CRISPLD1: variants seen among roughly 807,000 people sequenced by gnomAD.
CRISPLD1 encodes the protein cysteine-rich secretory protein LCCL domain-containing 1.
A neutral mutation model predicts 77.5 loss-of-function variants in CRISPLD1; 60 were observed. That is an observed-to-expected ratio of 0.77 (90% CI 0.63 to 0.96). The LOEUF (loss-of-function observed/expected upper bound fraction) is 0.96, where lower values mean the gene tolerates loss of function less well. Among genes scored for constraint, CRISPLD1 ranks in the 40% least tolerant of loss-of-function variants. CRISPLD1 has a pLI of 0.00. For missense variants in CRISPLD1, 623 were observed against 615.8 expected, an observed-to-expected ratio of 1.01 and a Z score of -0.12; for synonymous variants, 195 against 200.1, an observed-to-expected ratio of 0.97 and a Z score of 0.22.
At chr8:74,998,661 C>T (rs763522612) in intron 2 of CRISPLD1, among the ~76,000 whole-genome samples, 1 of 123,550 alleles carries the variant, frequency 8.1e-6, no homozygotes, top group Non-Finnish European at 1.6e-5. Context: ...GCACTCCTGC[C>T]TGGGCAACAG....
intron 2 of CRISPLD1, among the ~76,000 whole-genome samples, chr8:75,002,976 A>G (rs986966461): frequency 1.3e-5 from 2 of 152,186 alleles, no homozygotes; most frequent in African/African-American, 4.8e-5. Context: ...TGCTATAGTC[A>G]TATTCCTGAG....
At chr8:74,985,150 T>G (rs1383997999) in intron 1 of CRISPLD1, among the ~76,000 whole-genome samples, 17 of 152,116 alleles carry the variant, frequency 1.1e-4, no homozygotes. Flanking sequence ...TCGCGCGCTT[T>G]CCATTTGAGT....
intron 6 of CRISPLD1, 93 bp from the exon 7 acceptor site, chr8:75,016,472 T>A: frequency 8.1e-7 from 1 of 1,240,536 alleles, no homozygotes; most frequent in Middle Eastern, 2.3e-4. Context: ...TAGTTCTAAA[T>A]GTTAAATAGG....
At chr8:75,008,784 G>T (rs1253160275) in intron 2 of CRISPLD1, among the ~76,000 whole-genome samples, 1 of 152,046 alleles carries the variant, frequency 6.6e-6, no homozygotes, top group Admixed American at 6.6e-5. Flanking sequence ...CTTATGCATT[G>T]TATATATTCA....
At chr8:75,012,156 G>C (rs1812943144) in intron 2 of CRISPLD1, among the ~76,000 whole-genome samples, 1 of 152,030 alleles carries the variant, frequency 6.6e-6, no homozygotes, top group East Asian at 1.9e-4. Flanking sequence ...TTTGTTTTAT[G>C]TGTTTAGACA....
chr8:74,995,053 C>T (rs943210651), intron 2 of CRISPLD1, among the ~76,000 whole-genome samples: 1 of 152,060 alleles, frequency 6.6e-6, no homozygotes, highest in African/African-American at 2.4e-5. Flanking sequence ...AAATTAGGAC[C>T]CACCACCATT....
At position 74,986,193 on chromosome 8, in the gene CRISPLD1, A is replaced by G; in HGVS notation, c.206A>G (p.His69Arg). 9 of 1,614,070 alleles carry G rather than the reference A, an allele frequency of 5.6e-6. No individual in the cohort carries two copies. Among genetic ancestry groups the G allele is most frequent in the Non-Finnish European group, 5.9e-6 (7 of 1,179,890 alleles). Residue 69 changes from histidine to arginine, a missense_variant, in exon 2 of 15, where the codon CAT becomes CGT. Transcript: ENST00000262207. ...DNDMQSILDLHNKLRSQVYPT... is the reference protein window; with the variant it reads ...DNDMQSILDLRNKLRSQVYPT... Reference sequence around the variant, plus strand: ...GACATGCAGAGTATTTTGGACCTTCATAATAAATTACGAAGTCAGGTGTAT... The same window carrying G: ...GACATGCAGAGTATTTTGGACCTTCGTAATAAATTACGAAGTCAGGTGTAT...
chr8:74,985,876 A>AT (rs1199367913), intron 1 of CRISPLD1, 50 bp from the exon 2 acceptor site: 10 of 1,253,570 alleles, frequency 8.0e-6, no homozygotes, highest in Non-Finnish European at 1.1e-5. Context: ...TTATTAGAAA[A>AT]TTCATATCTG....
In CRISPLD1 at chr8:75,003,705, A is replaced by G. The variant is rs150144085; in HGVS notation, c.259-8728A>G. On this transcript the variant is annotated intron_variant, in intron 2 of 14. Coordinates refer to ENST00000262207, the MANE Select transcript of CRISPLD1 (RefSeq NM_031461.6). ...CAAGACTTAAAGTACCATCAATTAT[A>G]TGATACATTTGCAATTACTAAAGAT... Among the ~76,000 whole-genome samples the G allele has an allele frequency of 7.7e-3, 1,169 of 152,308 alleles. 14 individuals carry two copies. The highest frequency in any genetic ancestry group is 0.027 in the African/African-American group (1,121 of 41,552).
chr8:75,021,607 C>A (rs543605666), intron 12 of CRISPLD1, among the ~76,000 whole-genome samples: 2 of 152,244 alleles, frequency 1.3e-5, no homozygotes, highest in South Asian at 4.1e-4. Context: ...AAAATACAAT[C>A]TCCTGTTACT....
chr8:75,015,981 T>C (rs1456875848), intron 6 of CRISPLD1, among the ~76,000 whole-genome samples: 3 of 152,138 alleles, frequency 2.0e-5, no homozygotes, highest in Non-Finnish European at 2.9e-5. Flanking sequence ...AAGCCTTTGA[T>C]AAAGGCCAGT....
intron 2 of CRISPLD1, among the ~76,000 whole-genome samples, chr8:75,010,362 A>T (rs1812908236): frequency 6.6e-6 from 1 of 152,086 alleles, no homozygotes; most frequent in South Asian, 2.1e-4. Flanking sequence ...GCGTATTGAC[A>T]TGATTAGATT....
intron 12 of CRISPLD1, among the ~76,000 whole-genome samples, 197 bp from the exon 13 acceptor site, chr8:75,025,349 T>A (rs1469870029): frequency 6.6e-6 from 1 of 152,058 alleles, no homozygotes; most frequent in African/African-American, 2.4e-5. Flanking sequence ...TAAATGACAT[T>A]TATGCCAAAA....
chr8:74,993,093 C>T (rs756705531), intron 2 of CRISPLD1, among the ~76,000 whole-genome samples: 2 of 151,876 alleles, frequency 1.3e-5, no homozygotes, highest in African/African-American at 2.4e-5. Context: ...TTGCTATCAG[C>T]GGTATATGTC....
chr8:75,025,331 A>AT (rs541716051), intron 12 of CRISPLD1, among the ~76,000 whole-genome samples: 1 of 151,896 alleles, frequency 6.6e-6, no homozygotes, highest in African/African-American at 2.4e-5. Context: ...TTCCTAACTA[A>AT]TTTTTTTTAA....
At chr8:74,992,257 A>G (rs1013872186) in intron 2 of CRISPLD1, among the ~76,000 whole-genome samples, 4 of 152,232 alleles carry the variant, frequency 2.6e-5, no homozygotes, top group African/African-American at 9.6e-5. Flanking sequence ...GGGAAATTGG[A>G]AACACTTGAG....
chr8:75,011,465 T>G (rs1812930059), intron 2 of CRISPLD1, among the ~76,000 whole-genome samples: 1 of 152,004 alleles, frequency 6.6e-6, no homozygotes, highest in African/African-American at 2.4e-5. Flanking sequence ...TTTCGTAACA[T>G]GCCCGGAGTC....
At chr8:75,008,983 A>G (rs1374352297) in intron 2 of CRISPLD1, among the ~76,000 whole-genome samples, 2 of 152,184 alleles carry the variant, frequency 1.3e-5, no homozygotes, top group Admixed American at 1.3e-4. Flanking sequence ...CTAGTTAGGA[A>G]CTAGTTGTAT....
At chr8:74,992,905 GTTTTT>G (rs771210880) in intron 2 of CRISPLD1, among the ~76,000 whole-genome samples, 2 of 115,240 alleles carry the variant, frequency 1.7e-5, no homozygotes, top group South Asian at 5.9e-4. Flanking sequence ...AGAAATTATG[GTTTTT>G]TTTTTTTTTT....
Sources: gnomAD v4.1 joint callset for allele counts (sites outside exome capture counted in the v4.1 genomes callset) on GRCh38, gnomAD v4.1.1 for gene constraint, MANE v1.5 for transcripts, NCBI Gene and HGNC (gene_info 2026-07-23, HGNC 2026-07-21) for gene names.